The following BCAS3 variants were observed in gnomAD, a reference collection of about 807,000 sequenced individuals.
BCAS3 encodes BCAS3 microtubule associated cell migration factor.
Under a neutral mutation model 116.1 loss-of-function variants are expected in BCAS3, and 53 were observed. The ratio of observed to expected loss-of-function variants is 0.46; its 90% CI spans 0.37 to 0.57. The LOEUF (loss-of-function observed/expected upper bound fraction) is 0.57, where lower values mean the gene tolerates loss of function less well. Among genes scored for constraint, BCAS3 ranks in the 20% least tolerant of loss-of-function variants. The pLI, the probability that BCAS3 is intolerant of heterozygous loss-of-function variation, is 0.00. For synonymous variants in BCAS3, 391 were observed against 408.2 expected (o/e 0.96, Z 0.51); for missense variants, 917 against 1,165.4 (o/e 0.79, Z 3.10).
At position 60,880,886 on chromosome 17, in the gene BCAS3, C is replaced by A. The variant is rs2056066842; in HGVS notation, c.661+6148C>A. Among the ~76,000 whole-genome samples the A allele has an allele frequency of 2.0e-5, 3 of 152,086 alleles. No homozygotes were observed. In the South Asian group the frequency reaches 6.2e-4, roughly 31 times the overall value. ...AATATTTTATATTCTAGATATGTCA[C>A]TTATCAGATATATCTTTTTGCAAAA... On this transcript the variant is annotated intron_variant, in intron 9 of 23. Transcript: ENST00000407086.
chr17:60,842,670 A>G (rs749871722), intron 7 of BCAS3, among the ~76,000 whole-genome samples: 6 of 152,036 alleles, frequency 3.9e-5, no homozygotes, highest in Non-Finnish European at 7.4e-5. Context: ...CAGTGCTCAC[A>G]TTTGCTTACT....
chr17:60,968,212 G>C (rs1202914123), intron 14 of BCAS3, among the ~76,000 whole-genome samples: 1 of 151,932 alleles, frequency 6.6e-6, no homozygotes, highest in Non-Finnish European at 1.5e-5. Flanking sequence ...ATTTTGCTTA[G>C]TGCATTTTTT....
intron 6 of BCAS3, among the ~76,000 whole-genome samples, chr17:60,791,171 T>C (rs2046740431): frequency 6.6e-6 from 1 of 152,200 alleles, no homozygotes; most frequent in South Asian, 2.1e-4. Flanking sequence ...CCGGTGTAGA[T>C]ACTATAGTCT....
chr17:61,040,685 C>A, intron 18 of BCAS3, 107 bp from the exon 19 acceptor site: 1 of 910,836 alleles, frequency 1.1e-6, no homozygotes, highest in South Asian at 1.5e-5. Context: ...TTAATGATCA[C>A]AAAAGTAGTG....
At chr17:61,163,969 C>T (rs750410872) in intron 22 of BCAS3, among the ~76,000 whole-genome samples, 73 of 146,142 alleles carry the variant, frequency 5.0e-4, no homozygotes, top group Non-Finnish European at 9.1e-4. Flanking sequence ...CGCACTCCAG[C>T]CTGGGCAACA....
In BCAS3 at chr17:60,724,817, G is replaced by A. The variant is rs943703095; in HGVS notation, c.321+15492G>A. Among the ~76,000 whole-genome samples, 34 of 150,668 alleles carry A rather than the reference G, an allele frequency of 2.3e-4. 1 individual carries two copies. The East Asian group carries it at 6.6e-3, about 29-fold the overall frequency. ...AAAAAAAACAGCTTTGTATATGTGTGGTATGAGATGGGGTCAGGGTTATTT... is the reference window on the plus strand; with the variant it reads ...AAAAAAAACAGCTTTGTATATGTGTAGTATGAGATGGGGTCAGGGTTATTT... On this transcript the variant is annotated intron_variant, in intron 5 of 23. Transcript: ENST00000407086.
At chr17:61,069,128 A>C (rs2071042238) in intron 19 of BCAS3, among the ~76,000 whole-genome samples, 1 of 152,182 alleles carries the variant, frequency 6.6e-6, no homozygotes, top group South Asian at 2.1e-4. Context: ...TGACTTGGGA[A>C]ATAGTAGAAG....
At chr17:60,718,460 A>AGTCTTGCT (rs1477250090) in intron 5 of BCAS3, among the ~76,000 whole-genome samples, 8 of 152,086 alleles carry the variant, frequency 5.3e-5, no homozygotes, top group African/African-American at 1.9e-4. Flanking sequence ...TTTTAGACAG[A>AGTCTTGCT]GTCTTGCTCT....
intron 4 of BCAS3, among the ~76,000 whole-genome samples, chr17:60,703,111 C>T (rs2036633913): frequency 6.7e-6 from 1 of 150,184 alleles, no homozygotes; most frequent in Non-Finnish European, 1.5e-5. Context: ...ACCGTCTATA[C>T]TAAAAATACA....
rs1033626247 is a variant in BCAS3, at chr17:61,365,640, C to A, written c.2426-2687C>A. Among the ~76,000 whole-genome samples, 3 of 151,954 alleles carry A rather than the reference C, an allele frequency of 2.0e-5. No individual in the cohort carries two copies. The highest frequency in any genetic ancestry group is 4.4e-5 in the Non-Finnish European group (3 of 67,990). ...TGAGCCACCGTGCCTGGCCCAATTT[C>A]TTTTGTTTGTTTTCTTCCTGCTTTG... On this transcript the variant is annotated intron_variant, in intron 22 of 23. Transcript: ENST00000407086. The surrounding 1 kb of genome is among the most constrained non-coding windows in gnomAD (Gnocchi z 4.6).
At chr17:60,831,904 T>C (rs1430535857) in intron 7 of BCAS3, among the ~76,000 whole-genome samples, 1 of 152,200 alleles carries the variant, frequency 6.6e-6, no homozygotes, top group Non-Finnish European at 1.5e-5. Flanking sequence ...TTTCACTTTC[T>C]TGAAAAATTC....
Position 60,918,963 on chromosome 17 carries a change from G to A in BCAS3, c.994-5444G>A, listed in dbSNP as rs376150449. Among the ~76,000 whole-genome samples the A allele has an allele frequency of 5.3e-5, 8 of 152,126 alleles. No individual in the cohort carries two copies. In the East Asian group the frequency reaches 5.8e-4, roughly 11 times the overall value. On this transcript the variant is annotated intron_variant, in intron 12 of 23. Coordinates refer to ENST00000407086, the MANE Select transcript of BCAS3 (RefSeq NM_017679.5). ...CCGCCTCAGCCTCCCAAAGTGCTGG[G>A]ATTACAGGCGTGAGCCACTGCACCT...
intron 22 of BCAS3, among the ~76,000 whole-genome samples, chr17:61,169,596 A>C (rs956997900): frequency 1.7e-4 from 26 of 152,212 alleles, no homozygotes; most frequent in African/African-American, 5.8e-4. Context: ...AGGATTCCTC[A>C]GTGTACTTTA....
chr17:61,340,147 G>T (rs1010595915), intron 22 of BCAS3, among the ~76,000 whole-genome samples: 8 of 152,214 alleles, frequency 5.3e-5, no homozygotes, highest in African/African-American at 1.9e-4. Flanking sequence ...AAGGAGTTTT[G>T]ATTAAGGGAA....
In BCAS3 at chr17:61,348,644, C is replaced by T. The variant is rs2057646068; in HGVS notation, c.2426-19683C>T. On this transcript the variant is annotated intron_variant, in intron 22 of 23. Transcript: ENST00000407086. The surrounding 1 kb of genome is among the most constrained non-coding windows in gnomAD (Gnocchi z 4.5). ...GTCAGCAATTTCCCAATGAAGTCAA[C>T]TTGCTTTATAGAGTCTGGGTTGCCC... is the stretch of plus-strand genomic sequence containing the variant. 6.6e-6 allele frequency among the ~76,000 whole-genome samples: 1 copy of T among 152,024 alleles called. No individual in the cohort carries two copies. Among genetic ancestry groups the T allele is most frequent in the Non-Finnish European group, 1.5e-5 (1 of 68,018 alleles).
intron 10 of BCAS3, among the ~76,000 whole-genome samples, chr17:60,896,467 C>T (rs2057516623): frequency 6.6e-6 from 1 of 152,104 alleles, no homozygotes; most frequent in Admixed American, 6.6e-5. Flanking sequence ...ATAGTATATA[C>T]TAATATTTGC....
In BCAS3 at chr17:61,222,201, T is replaced by G. The variant is rs1030281117; in HGVS notation, c.2425+137637T>G. 6.6e-6 allele frequency among the ~76,000 whole-genome samples: 1 copy of G among 152,142 alleles called. No individual in the cohort carries two copies. Among genetic ancestry groups the G allele is most frequent in the Non-Finnish European group, 1.5e-5 (1 of 68,016 alleles). ...AAGATATGAAATAATAGTGGGGAAC[T>G]GTAAAGAAATGATAAAAATAAGGAC... On this transcript the variant is annotated intron_variant, in intron 22 of 23. Transcript: ENST00000407086. This position sits in a 1 kb window ranked among gnomAD's most constrained non-coding sequence, Gnocchi z 6.1.
intron 22 of BCAS3, among the ~76,000 whole-genome samples, chr17:61,183,120 T>A (rs1321069616): frequency 6.6e-6 from 1 of 152,256 alleles, no homozygotes; most frequent in African/African-American, 2.4e-5. Context: ...AATCATTTTT[T>A]AAAATTTGCC....
At chr17:60,715,885 T>C (rs111510286) in intron 5 of BCAS3, among the ~76,000 whole-genome samples, 9,073 of 152,062 alleles carry the variant, frequency 0.06, 867 homozygotes, top group African/African-American at 0.2. Context: ...TTTTTTGAGA[T>C]GGAGTCTTGC....
Sources: gnomAD v4.1 joint callset for allele counts (sites outside exome capture counted in the v4.1 genomes callset) on GRCh38, gnomAD v4.1.1 for gene constraint, Gnocchi (gnomAD v3.1) non-coding constraint, MANE v1.5 for transcripts, NCBI Gene and HGNC (gene_info 2026-07-23, HGNC 2026-07-21) for gene names.